Variants in CADM2 observed in about 807,000 individuals in gnomAD.
The protein encoded by CADM2 is cell adhesion molecule 2.
Under a neutral mutation model 49.8 loss-of-function variants are expected in CADM2, and 12 were observed. The observed-to-expected ratio is 0.24, with a 90% CI of 0.15 to 0.39. The LOEUF (loss-of-function observed/expected upper bound fraction) is 0.39, where lower values mean the gene tolerates loss of function less well. Ranked by LOEUF, CADM2 falls within the 10% of genes least tolerant of loss-of-function variation. The pLI is 1.00. For synonymous variants in CADM2, 214 were observed against 175.4 expected (o/e 1.22, Z -1.74); for missense variants, 378 against 492.3 (o/e 0.77, Z 2.20).
intron 1 of CADM2, among the ~76,000 whole-genome samples, chr3:85,354,741 T>C (rs1372247482): frequency 1.3e-5 from 2 of 151,942 alleles, no homozygotes; most frequent in Non-Finnish European, 2.9e-5. Context: ...TTATTTCTTA[T>C]AAAGAGTTGC....
At chr3:85,323,316 T>C (rs978021639) in intron 1 of CADM2, among the ~76,000 whole-genome samples, 3 of 152,178 alleles carry the variant, frequency 2.0e-5, no homozygotes, top group Non-Finnish European at 4.4e-5. Context: ...CATTTAATTC[T>C]GCAATATATA....
At chr3:85,205,018 A>ATT (rs201950814) in intron 1 of CADM2, among the ~76,000 whole-genome samples, 13 of 141,090 alleles carry the variant, frequency 9.2e-5, no homozygotes, top group Admixed American at 4.4e-4. Context: ...ACTTTACTTA[A>ATT]TTTTTTTTTT....
intron 1 of CADM2, among the ~76,000 whole-genome samples, chr3:85,002,735 A>G (rs1019209325): frequency 1.3e-5 from 2 of 152,140 alleles, no homozygotes; most frequent in Admixed American, 1.3e-4. Flanking sequence ...GTCATTGAGC[A>G]GAATTTACAA....
intron 1 of CADM2, among the ~76,000 whole-genome samples, chr3:85,195,663 A>C (rs549946847): frequency 6.6e-6 from 1 of 152,044 alleles, no homozygotes; most frequent in African/African-American, 2.4e-5. Context: ...GTAGGCTATA[A>C]ATTTACATAC....
intron 1 of CADM2, among the ~76,000 whole-genome samples, chr3:85,127,939 A>T (rs2039092514): frequency 6.6e-6 from 1 of 152,138 alleles, no homozygotes; most frequent in South Asian, 2.1e-4. Flanking sequence ...GACTATTTAA[A>T]TTTAAATTTA....
In CADM2 at chr3:85,249,068, C is replaced by T. The variant is rs549675798; in HGVS notation, c.61+289400C>T. Among the ~76,000 whole-genome samples, 8 of 152,236 alleles carry T rather than the reference C, an allele frequency of 5.3e-5. No individual in the cohort carries two copies. In the South Asian group the frequency reaches 1.7e-3, roughly 32 times the overall value. On this transcript the variant is annotated intron_variant, in intron 1 of 9. Transcript: ENST00000383699. ...CAAGCCTATTTAATCTTTGCTACTACTTGATATAATTGAATATCTCTTCCT... is the reference window on the plus strand; with the variant it reads ...CAAGCCTATTTAATCTTTGCTACTATTTGATATAATTGAATATCTCTTCCT...
intron 1 of CADM2, among the ~76,000 whole-genome samples, chr3:84,998,398 C>T (rs2033284869): frequency 6.6e-6 from 1 of 152,096 alleles, no homozygotes; most frequent in Non-Finnish European, 1.5e-5. Context: ...ATTTTAAGGT[C>T]CTGATGTTCC....
intron 7 of CADM2, among the ~76,000 whole-genome samples, chr3:85,938,603 G>A (rs1013576346): frequency 9.2e-5 from 14 of 152,024 alleles, no homozygotes; most frequent in Admixed American, 2.0e-4. Context: ...CAGCAGGTTA[G>A]AATTCCCTGT....
At chr3:85,322,618 A>G (rs1324146743) in intron 1 of CADM2, among the ~76,000 whole-genome samples, 1 of 152,218 alleles carries the variant, frequency 6.6e-6, no homozygotes, top group African/African-American at 2.4e-5. Context: ...TGCAAAACCA[A>G]TGGAGAAAAA....
intron 1 of CADM2, among the ~76,000 whole-genome samples, chr3:85,289,490 T>A (rs2043721787): frequency 6.6e-6 from 1 of 152,224 alleles, no homozygotes. Context: ...ATTATCTGGT[T>A]AATTTGTCAA....
intron 8 of CADM2, chr3:86,014,364 G>T: frequency 7.0e-7 from 1 of 1,425,318 alleles, no homozygotes; most frequent in East Asian, 2.4e-5. Flanking sequence ...TGTCTTATTT[G>T]CAGCTGGTAG....
At chr3:85,101,824 T>C (rs1487715385) in intron 1 of CADM2, among the ~76,000 whole-genome samples, 2 of 152,202 alleles carry the variant, frequency 1.3e-5, no homozygotes, top group Non-Finnish European at 2.9e-5. Flanking sequence ...AATCGGATTT[T>C]GTGTACAGAC....
chr3:85,948,035 C>A (rs1203482591), intron 7 of CADM2, among the ~76,000 whole-genome samples: 1 of 151,386 alleles, frequency 6.6e-6, no homozygotes, highest in Non-Finnish European at 1.5e-5. Flanking sequence ...CTGTCATATA[C>A]GTTTAGTAGA....
chr3:86,041,341 C>T (rs1306117368), intron 8 of CADM2, among the ~76,000 whole-genome samples: 1 of 152,136 alleles, frequency 6.6e-6, no homozygotes, highest in Non-Finnish European at 1.5e-5. Context: ...AAACCCATCT[C>T]ACTTGCAGAG....
At chr3:85,283,881 A>C (rs1466441978) in intron 1 of CADM2, among the ~76,000 whole-genome samples, 1 of 152,154 alleles carries the variant, frequency 6.6e-6, no homozygotes, top group Non-Finnish European at 1.5e-5. Flanking sequence ...TTAGAGTTTC[A>C]AGAAGGACAT....
chr3:85,182,509 T>C (rs1230723818), intron 1 of CADM2, among the ~76,000 whole-genome samples: 1 of 152,062 alleles, frequency 6.6e-6, no homozygotes, highest in Non-Finnish European at 1.5e-5. Flanking sequence ...CATTCTACTA[T>C]GTACCTTCAA....
intron 1 of CADM2, among the ~76,000 whole-genome samples, chr3:85,334,190 C>T (rs929683081): frequency 1.3e-5 from 2 of 151,454 alleles, no homozygotes; most frequent in African/African-American, 4.8e-5. Context: ...GTAATCAAAT[C>T]TCTCCTGGAG....
At chr3:84,979,812 G>A (rs888905155) in intron 1 of CADM2, among the ~76,000 whole-genome samples, 1 of 151,852 alleles carries the variant, frequency 6.6e-6, no homozygotes, top group African/African-American at 2.4e-5. Context: ...TTTTTTTGAT[G>A]TCTAAAAGGA....
intron 2 of CADM2, among the ~76,000 whole-genome samples, chr3:85,743,409 G>A (rs1440203000): frequency 6.6e-6 from 1 of 152,172 alleles, no homozygotes; most frequent in Admixed American, 6.6e-5. Flanking sequence ...TACCATCTCT[G>A]AAAAGGTTTG....
Sources: allele counts gnomAD v4.1 joint callset (sites outside exome capture counted in the v4.1 genomes callset), GRCh38; gene constraint gnomAD v4.1.1; transcripts MANE v1.5; gene names NCBI Gene and HGNC (gene_info 2026-07-23, HGNC 2026-07-21).